SV2C: variants seen among roughly 807,000 people sequenced by gnomAD.
SV2C encodes the protein synaptic vesicle glycoprotein 2C, also known as solute carrier family 22 member B3.
Under a neutral mutation model 79.7 loss-of-function variants are expected in SV2C, and 49 were observed. The ratio of observed to expected loss-of-function variants is 0.61; its 90% confidence interval spans 0.49 to 0.78. The LOEUF (loss-of-function observed/expected upper bound fraction) is 0.78. SV2C is among the 30% of genes least tolerant of loss of function. SV2C has a pLI of 0.00. For synonymous variants in SV2C, 334 were observed against 333.2 expected, an observed-to-expected ratio of 1.00 and a Z score of -0.03; for missense variants, 833 against 912.9, an observed-to-expected ratio of 0.91 and a Z score of 1.13.
the SV2C span, among the ~76,000 whole-genome samples, chr5:75,957,445 C>T: frequency 6.6e-6 from 1 of 151,998 alleles, no homozygotes; most frequent in South Asian, 2.1e-4. Flanking sequence ...ATTGGCACAA[C>T]CTTTTGACAT....
intron 2 of SV2C, among the ~76,000 whole-genome samples, chr5:76,183,662 C>A (rs111866636): frequency 6.6e-6 from 1 of 152,072 alleles, no homozygotes; most frequent in Non-Finnish European, 1.5e-5. Context: ...TTCCTCCAGC[C>A]TTCTCTCTTG....
intron 2 of SV2C, among the ~76,000 whole-genome samples, chr5:76,183,957 G>A (rs1410458371): frequency 2.0e-5 from 3 of 152,086 alleles, no homozygotes; most frequent in African/African-American, 7.2e-5. Flanking sequence ...CTTAATTATA[G>A]CACGTGTTTC....
In SV2C at chr5:76,209,766, G is replaced by A. The variant is rs566901649; in HGVS notation, c.792G>A (p.Ser264=). 3.3e-5 allele frequency: 53 copies of A among 1,614,144 alleles called. 1 individual carries two copies. Among genetic ancestry groups the A allele is most frequent in the Admixed American group, 1.0e-4 (6 of 60,032 alleles). ...GAGGAGCCATACCCACTGTGTTCTC[G>A]TACTTTGCTGAAGTCCTGGCCCGGG... ...GIGGAIPTVF[S]YFAEVLAREK... The change falls in exon 4 of 13, where the codon TCG becomes TCA. Residue 264 remains serine (S), a synonymous_variant. Coordinates refer to ENST00000502798, the MANE Select transcript of SV2C (RefSeq NM_014979.4).
chr5:76,044,221 C>T, the SV2C span, among the ~76,000 whole-genome samples: 1 of 152,170 alleles, frequency 6.6e-6, no homozygotes. Context: ...CTATCCATAT[C>T]CCTGCAAAGG....
chr5:76,352,938 CTCTT>C (rs996893530), intron 12 of SV2C, among the ~76,000 whole-genome samples: 5 of 146,744 alleles, frequency 3.4e-5, no homozygotes, highest in Non-Finnish European at 7.4e-5. Flanking sequence ...TTATTTTTAC[CTCTT>C]TTTTTTTTTT....
At chr5:75,896,839 T>C in the SV2C span, among the ~76,000 whole-genome samples, 56 of 148,932 alleles carry the variant, frequency 3.8e-4, 1 homozygote, top group Admixed American at 3.7e-3. Context: ...CATTTTTTCA[T>C]GTGTTTTTTG....
chr5:76,227,347 C>T (rs1053691822), intron 4 of SV2C, among the ~76,000 whole-genome samples: 3 of 152,018 alleles, frequency 2.0e-5, no homozygotes, highest in Admixed American at 6.6e-5. Flanking sequence ...TGTAGTGGAC[C>T]GAGGGTGGGG....
At chr5:76,061,372 G>T in the SV2C span, among the ~76,000 whole-genome samples, 1 of 150,800 alleles carries the variant, frequency 6.6e-6, no homozygotes, top group African/African-American at 2.4e-5. Context: ...ATTTCCAAAG[G>T]TCTGTAAAGG....
intron 12 of SV2C, among the ~76,000 whole-genome samples, chr5:76,348,289 T>A (rs899413447): frequency 6.6e-6 from 1 of 152,222 alleles, no homozygotes; most frequent in African/African-American, 2.4e-5. Context: ...TAGCACTGAA[T>A]AGCATTCCAC....
intron 4 of SV2C, among the ~76,000 whole-genome samples, chr5:76,231,766 CTCA>C (rs1332885784): frequency 6.9e-6 from 1 of 145,082 alleles, no homozygotes; most frequent in Non-Finnish European, 1.5e-5. Context: ...AGGACATGAA[CTCA>C]TCATTTTTTA....
intron 4 of SV2C, among the ~76,000 whole-genome samples, chr5:76,214,004 T>C (rs577986965): frequency 1.3e-5 from 2 of 152,332 alleles, no homozygotes; most frequent in East Asian, 3.9e-4. Flanking sequence ...CTTAACATAA[T>C]GCCTTCCAGG....
At position 76,111,669 on chromosome 5, in the gene SV2C, G is replaced by A. The variant is rs565030256; in HGVS notation, c.-101-19981G>A. Among the ~76,000 whole-genome samples the A allele has an allele frequency of 2.0e-5, 3 of 152,230 alleles. No homozygotes were observed. The East Asian group carries it at 5.8e-4, about 29-fold the overall frequency. On this transcript the variant is annotated intron_variant, in intron 1 of 12. Coordinates refer to ENST00000502798, the MANE Select transcript of SV2C (RefSeq NM_014979.4). ...AGCATCAAGCTAATTTGCCCCCCCA[G>A]GATTAGACCAGGAAATATCAAAGTT...
chr5:76,238,758 A>G (rs1745694723), intron 4 of SV2C, among the ~76,000 whole-genome samples: 1 of 152,184 alleles, frequency 6.6e-6, no homozygotes, highest in African/African-American at 2.4e-5. Flanking sequence ...TGGAGGAGTA[A>G]GCCTGACTCC....
rs575383295 is a variant in SV2C, at chr5:76,261,702, A to G, written c.914-23460A>G. ...CTTTTCTGCAACTATTGAGATAATC[A>G]TGTGGTTTTTGTCATTGGTTCGGTT... On this transcript the variant is annotated intron_variant, in intron 4 of 12. Coordinates refer to ENST00000502798, the MANE Select transcript of SV2C (RefSeq NM_014979.4). 2.4e-3 allele frequency among the ~76,000 whole-genome samples: 372 copies of G among 152,294 alleles called. 1 individual carries two copies. Among genetic ancestry groups the G allele is most frequent in the African/African-American group, 8.6e-3 (357 of 41,566 alleles).
chr5:76,186,870 TG>T (rs900050000), intron 2 of SV2C, among the ~76,000 whole-genome samples: 2 of 152,124 alleles, frequency 1.3e-5, no homozygotes, highest in African/African-American at 4.8e-5. Context: ...CTCACTATCA[TG>T]AGAACAGAAT....
At chr5:76,195,200 C>T (rs150623940) in intron 3 of SV2C, 101 bp downstream of exon 3, 1 of 1,172,074 alleles carries the variant, frequency 8.5e-7, no homozygotes, top group African/African-American at 1.5e-5. Context: ...TCACACATCT[C>T]CTTCCATATC....
chr5:76,338,659 CTTTTTT>C (rs60550344), downstream of SV2C, among the ~76,000 whole-genome samples: 1 of 119,552 alleles, frequency 8.4e-6, no homozygotes, highest in African/African-American at 3.3e-5. Flanking sequence ...TTTTCTTTTT[CTTTTTT>C]TTTTTTTTTT....
At chr5:76,191,541 T>C (rs187739638) in intron 2 of SV2C, among the ~76,000 whole-genome samples, 12 of 152,302 alleles carry the variant, frequency 7.9e-5, no homozygotes, top group Admixed American at 2.6e-4. Flanking sequence ...TAAATATGGT[T>C]TAAAATGGTG....
the SV2C span, among the ~76,000 whole-genome samples, chr5:75,939,461 C>T: frequency 1.3e-5 from 2 of 152,068 alleles, no homozygotes; most frequent in Admixed American, 1.3e-4. Context: ...CTAATCTAAA[C>T]CTAATTACCT....
Sources: allele counts gnomAD v4.1 joint callset (sites outside exome capture counted in the v4.1 genomes callset), GRCh38; gene constraint gnomAD v4.1.1; transcripts MANE v1.5; gene names NCBI Gene and HGNC (gene_info 2026-07-23, HGNC 2026-07-21).